The following PLCL1 variants were observed in gnomAD, a reference collection of about 807,000 sequenced individuals.
The protein encoded by PLCL1 is inactive phospholipase C-like protein 1.
A neutral mutation model predicts 84.4 loss-of-function variants in PLCL1; 41 were observed. The observed-to-expected ratio is 0.49, with a 90% CI of 0.38 to 0.63. The LOEUF (loss-of-function observed/expected upper bound fraction) is 0.63, where lower values mean the gene tolerates loss of function less well. Ranked by LOEUF, PLCL1 falls within the 30% of genes least tolerant of loss-of-function variation. The pLI, the probability that PLCL1 is intolerant of heterozygous loss-of-function variation, is 0.00. For synonymous variants in PLCL1, 490 were observed against 488.3 expected, an observed-to-expected ratio of 1.00 and a Z score of -0.05; for missense variants, 1,206 against 1,367.8, an observed-to-expected ratio of 0.88 and a Z score of 1.87.
chr2:198,032,154 T>C (rs1417297884), intron 1 of PLCL1, among the ~76,000 whole-genome samples: 1 of 152,218 alleles, frequency 6.6e-6, no homozygotes, highest in Non-Finnish European at 1.5e-5. Context: ...CTCAAAAATC[T>C]AATTTTCTAA....
intron 1 of PLCL1, among the ~76,000 whole-genome samples, chr2:197,913,135 C>T (rs565002385): frequency 1.3e-5 from 2 of 152,254 alleles, no homozygotes; most frequent in East Asian, 3.9e-4. Flanking sequence ...ATAGCTTCCC[C>T]TGTCACACGA....
At chr2:197,862,866 A>C (rs1687457452) in intron 1 of PLCL1, among the ~76,000 whole-genome samples, 1 of 152,112 alleles carries the variant, frequency 6.6e-6, no homozygotes, top group Non-Finnish European at 1.5e-5. Context: ...GAACAAAGTC[A>C]GGGACCCTCA....
intron 1 of PLCL1, among the ~76,000 whole-genome samples, chr2:197,815,388 C>T (rs1690666781): frequency 6.6e-6 from 1 of 152,116 alleles, no homozygotes; most frequent in South Asian, 2.1e-4. Flanking sequence ...CAGAAAAAAA[C>T]ATTCCTTTCA....
At chr2:197,874,628 A>G (rs1299275266) in intron 1 of PLCL1, among the ~76,000 whole-genome samples, 1 of 152,182 alleles carries the variant, frequency 6.6e-6, no homozygotes, top group South Asian at 2.1e-4. Context: ...CACAAATTAA[A>G]TATTAAGTTT....
At chr2:197,923,479 G>A (rs1020804483) in intron 1 of PLCL1, among the ~76,000 whole-genome samples, 1 of 147,262 alleles carries the variant, frequency 6.8e-6, no homozygotes, top group African/African-American at 2.5e-5. Context: ...CCTCCCAGAC[G>A]GGGTCTCGGC....
At chr2:197,814,793 A>G (rs1003116720) in intron 1 of PLCL1, among the ~76,000 whole-genome samples, 2 of 152,190 alleles carry the variant, frequency 1.3e-5, no homozygotes, top group Non-Finnish European at 2.9e-5. Flanking sequence ...GATATGAAGA[A>G]AGTTTTAGCG....
intron 1 of PLCL1, among the ~76,000 whole-genome samples, chr2:198,054,263 T>C (rs957843600): frequency 4.6e-5 from 7 of 152,328 alleles, no homozygotes; most frequent in African/African-American, 1.4e-4. Flanking sequence ...TGATTTTTTG[T>C]TTAGATGATC....
intron 1 of PLCL1, among the ~76,000 whole-genome samples, chr2:197,912,509 G>A (rs974924658): frequency 6.6e-6 from 1 of 151,406 alleles, no homozygotes; most frequent in African/African-American, 2.4e-5. Context: ...GTTTATTGCG[G>A]CATTATTCAC....
chr2:197,842,030 GA>G (rs751584277), intron 1 of PLCL1, among the ~76,000 whole-genome samples: 3 of 152,086 alleles, frequency 2.0e-5, no homozygotes, highest in African/African-American at 4.8e-5. Context: ...ATAGCTGGGG[GA>G]AAAAATGAAG....
intron 1 of PLCL1, among the ~76,000 whole-genome samples, chr2:197,918,936 GTCTCTC>G (rs71395692): frequency 1.7e-4 from 14 of 83,192 alleles, no homozygotes; most frequent in South Asian, 1.4e-3. Flanking sequence ...CGGAGACCCT[GTCTCTC>G]TCTCTCTCTC....
At chr2:198,133,241 T>C (rs1317970338) in intron 5 of PLCL1, among the ~76,000 whole-genome samples, 1 of 151,478 alleles carries the variant, frequency 6.6e-6, no homozygotes, top group Non-Finnish European at 1.5e-5. Flanking sequence ...ATGGATGAAA[T>C]TGGAAATCAT....
rs1690460768 is a variant in PLCL1 at position 197,805,750 on chromosome 2, A to G, written c.240+411A>G. 6.6e-6 allele frequency among the ~76,000 whole-genome samples: 1 copy of G among 152,152 alleles called. No individual in the cohort carries two copies. The highest frequency in any genetic ancestry group is 2.4e-5 in the African/African-American group (1 of 41,418). ...GAAGAAAATGCACAGCTTACTCTCA[A>G]GTGTAAAAAAAGAATCCCTCTAGAC... On this transcript the variant is annotated intron_variant, in intron 1 of 5. Transcript: ENST00000428675. This position sits in a 1 kb window ranked among gnomAD's most constrained non-coding sequence, Gnocchi z 4.0.
At position 197,863,070 on chromosome 2, in the gene PLCL1, T is replaced by A. The variant is rs546778957; in HGVS notation, c.240+57731T>A. 3.3e-5 allele frequency among the ~76,000 whole-genome samples: 5 copies of A among 152,258 alleles called. No individual in the cohort carries two copies. In the East Asian group the frequency reaches 9.7e-4, roughly 29 times the overall value. Reference sequence around the variant, plus strand: ...TAGAGACGGTTGTTAGAAAAGGATATTTTAGCCTTTTGAGTTTTTGTGTAT... The same window carrying A: ...TAGAGACGGTTGTTAGAAAAGGATAATTTAGCCTTTTGAGTTTTTGTGTAT... On this transcript the variant is annotated intron_variant, in intron 1 of 5. Coordinates refer to ENST00000428675, the MANE Select transcript of PLCL1 (RefSeq NM_006226.4).
intron 1 of PLCL1, among the ~76,000 whole-genome samples, chr2:197,946,034 T>A (rs1303225450): frequency 6.6e-6 from 1 of 152,196 alleles, no homozygotes; most frequent in Non-Finnish European, 1.5e-5. Flanking sequence ...AATTTGACTA[T>A]GCTAAATGCT....
At chr2:198,004,990 G>A (rs1312198236) in intron 1 of PLCL1, among the ~76,000 whole-genome samples, 1 of 152,142 alleles carries the variant, frequency 6.6e-6, no homozygotes, top group African/African-American at 2.4e-5. Context: ...AAATCATGAG[G>A]CCATTAACAC....
intron 3 of PLCL1, among the ~76,000 whole-genome samples, chr2:198,091,334 G>C (rs897577677): frequency 3.3e-5 from 5 of 152,146 alleles, no homozygotes; most frequent in Non-Finnish European, 7.3e-5. Context: ...GTGTATTACT[G>C]TGTGTTAATT....
intron 1 of PLCL1, among the ~76,000 whole-genome samples, chr2:198,026,335 G>A (rs1356867039): frequency 6.6e-6 from 1 of 152,210 alleles, no homozygotes; most frequent in East Asian, 1.9e-4. Context: ...CCTTTATGGA[G>A]TCTATTTTTC....
chr2:197,860,926 G>A (rs1307882084), intron 1 of PLCL1, among the ~76,000 whole-genome samples: 5 of 152,058 alleles, frequency 3.3e-5, no homozygotes, highest in African/African-American at 7.2e-5. Context: ...TGGCATCTTC[G>A]TCATGAAATC....
intron 5 of PLCL1, among the ~76,000 whole-genome samples, chr2:198,144,879 C>T (rs1694480631): frequency 6.6e-6 from 1 of 152,146 alleles, no homozygotes; most frequent in African/African-American, 2.4e-5. Flanking sequence ...TAAAAGATGC[C>T]TATCAGGTAG....
Sources: gnomAD v4.1 joint callset for allele counts (sites outside exome capture counted in the v4.1 genomes callset) on GRCh38, gnomAD v4.1.1 for gene constraint, Gnocchi (gnomAD v3.1) non-coding constraint, MANE v1.5 for transcripts, NCBI Gene and HGNC (gene_info 2026-07-23, HGNC 2026-07-21) for gene names.